Variants in TMC1 observed in about 807,000 individuals in gnomAD.
TMC1 encodes the protein transmembrane channel-like protein 1.
Under a neutral mutation model 105.8 loss-of-function variants are expected in TMC1, and 84 were observed. That is an observed-to-expected ratio of 0.79 (90% CI 0.67 to 0.95). The LOEUF (loss-of-function observed/expected upper bound fraction) is 0.95, where lower values mean the gene tolerates loss of function less well. Among genes scored for constraint, TMC1 ranks in the 40% least tolerant of loss-of-function variants. The probability of loss-of-function intolerance (pLI) is 0.00; values close to 1 mark genes in which losing one functional copy is unlikely to be tolerated. For missense variants in TMC1, 817 were observed against 914.1 expected, an observed-to-expected ratio of 0.89 and a Z score of 1.37; for synonymous variants, 315 against 311.5, an observed-to-expected ratio of 1.01 and a Z score of -0.12.
intron 1 of TMC1, among the ~76,000 whole-genome samples, chr9:72,522,358 C>T (rs980671415): frequency 3.5e-4 from 54 of 152,186 alleles, no homozygotes; most frequent in Admixed American, 6.5e-5. Flanking sequence ...GCCTCAGCCT[C>T]CCAAAGTGCT....
intron 12 of TMC1, 33 bp from the exon 13 acceptor site, chr9:72,772,380 C>T (rs769645292): frequency 1.1e-5 from 18 of 1,613,428 alleles, no homozygotes; most frequent in Non-Finnish European, 1.5e-5. Flanking sequence ...CTCTTCACGA[C>T]AACTGCTAAG....
At chr9:72,597,536 G>A (rs145466798) in intron 2 of TMC1, among the ~76,000 whole-genome samples, 184 of 152,226 alleles carry the variant, frequency 1.2e-3, no homozygotes, top group African/African-American at 4.2e-3. Flanking sequence ...CCCGGGAAAC[G>A]GCAACATTTC....
intron 2 of TMC1, among the ~76,000 whole-genome samples, chr9:72,598,452 T>TC (rs1318364062): frequency 6.6e-6 from 1 of 152,102 alleles, no homozygotes; most frequent in Non-Finnish European, 1.5e-5. Flanking sequence ...TTTTTTTTTT[T>TC]CTCCCTTAGG....
At position 72,769,613 on chromosome 9, in the gene TMC1, A is replaced by T. The variant is rs552588854; in HGVS notation, c.742-2800A>T. On this transcript the variant is annotated intron_variant, in intron 12 of 23. Transcript: ENST00000297784. ...GTTATGTTAATGGGTCTTCACTTGG[A>T]AGGGAACGTCAAGAGTTGGAGATAC... 4.9e-4 allele frequency among the ~76,000 whole-genome samples: 75 copies of T among 152,314 alleles called. 2 individuals are homozygous for T. The South Asian group carries it at 0.015, about 31-fold the overall frequency.
chr9:72,637,161 T>G (rs1343436820), intron 4 of TMC1, among the ~76,000 whole-genome samples: 1 of 152,008 alleles, frequency 6.6e-6, no homozygotes, highest in Non-Finnish European at 1.5e-5. Flanking sequence ...TTCACCAGTG[T>G]CAGCCAATGT....
At chr9:72,548,503 G>A (rs949848197) in intron 1 of TMC1, among the ~76,000 whole-genome samples, 16 of 151,754 alleles carry the variant, frequency 1.1e-4, no homozygotes, top group African/African-American at 3.1e-4. Flanking sequence ...CAATGAACCC[G>A]GGAGGTTCAT....
chr9:72,594,790 C>T lies in TMC1; in HGVS notation c.-306+16767C>T, dbSNP rs111421095. On this transcript the variant is annotated intron_variant, in intron 2 of 23. Coordinates refer to ENST00000297784, the MANE Select transcript of TMC1 (RefSeq NM_138691.3). ...ATGACTTGGGGGGCATGCTACAATT[C>T]GAAAAGGAGAGAGACATACTCTCCA... Among the ~76,000 whole-genome samples the T allele has an allele frequency of 5.2e-3, 786 of 151,948 alleles. 11 individuals are homozygous for T. The highest frequency in any genetic ancestry group is 0.031 in the Middle Eastern group (9 of 292).
At chr9:72,773,089 T>G (rs1017972850) in intron 13 of TMC1, among the ~76,000 whole-genome samples, 1 of 152,152 alleles carries the variant, frequency 6.6e-6, no homozygotes, top group Non-Finnish European at 1.5e-5. Context: ...GGGAAAAGAT[T>G]TATTGGAGTA....
chr9:72,831,414 G>C (rs894944522), intron 23 of TMC1, among the ~76,000 whole-genome samples: 1 of 151,612 alleles, frequency 6.6e-6, no homozygotes, highest in Non-Finnish European at 1.5e-5. Flanking sequence ...ATGGCTTCAG[G>C]CCACTTTCTT....
chr9:72,712,473 G>A (rs1159145229), intron 8 of TMC1, among the ~76,000 whole-genome samples: 5 of 152,034 alleles, frequency 3.3e-5, no homozygotes, highest in Non-Finnish European at 7.4e-5. Flanking sequence ...TCCTTGAAGA[G>A]GTCCTTCACA....
At chr9:72,742,368 T>A (rs1350774620) in intron 9 of TMC1, 76 bp from the exon 10 acceptor site, 10 of 1,115,228 alleles carry the variant, frequency 9.0e-6, no homozygotes, top group Non-Finnish European at 8.1e-6. Flanking sequence ...TGCATTGTAA[T>A]GTTTTGAGGT....
chr9:72,730,854 C>T (rs1330517027), intron 8 of TMC1, among the ~76,000 whole-genome samples: 1 of 152,184 alleles, frequency 6.6e-6, no homozygotes, highest in African/African-American at 2.4e-5. Flanking sequence ...AGATCTCTCG[C>T]ATGTGCAGTT....
chr9:72,644,180 C>G (rs1244654806), intron 4 of TMC1, among the ~76,000 whole-genome samples: 1 of 152,046 alleles, frequency 6.6e-6, no homozygotes, highest in Non-Finnish European at 1.5e-5. Flanking sequence ...AATCCTTTAA[C>G]AAATGTATGA....
chr9:72,754,592 G>A (rs1827642071), intron 11 of TMC1, among the ~76,000 whole-genome samples, 194 bp from the exon 12 acceptor site: 2 of 152,024 alleles, frequency 1.3e-5, no homozygotes, highest in Admixed American at 6.6e-5. Context: ...TGGAATGCAG[G>A]GTCCTTTGCA....
intron 12 of TMC1, among the ~76,000 whole-genome samples, chr9:72,768,357 A>T (rs1023011916): frequency 1.3e-5 from 2 of 152,186 alleles, no homozygotes; most frequent in Non-Finnish European, 2.9e-5. Flanking sequence ...TAGCATTAGA[A>T]GGAATACCTA....
intron 6 of TMC1, among the ~76,000 whole-genome samples, chr9:72,689,802 C>A (rs150028656): frequency 0.017 from 2,586 of 152,192 alleles, 35 homozygotes; most frequent in Middle Eastern, 0.085. Flanking sequence ...TATCATTTTC[C>A]GTTCCTTCAC....
chr9:72,551,440 C>T (rs1173232096), intron 1 of TMC1, among the ~76,000 whole-genome samples: 1 of 152,160 alleles, frequency 6.6e-6, no homozygotes, highest in Non-Finnish European at 1.5e-5. Flanking sequence ...CTGGTAAGGG[C>T]ACTATGAGCC....
chr9:72,635,248 G>A (rs369522661), intron 4 of TMC1, among the ~76,000 whole-genome samples: 5 of 148,262 alleles, frequency 3.4e-5, no homozygotes, highest in Admixed American at 6.7e-5. Context: ...GCAGGACTCC[G>A]TCTCCAAAAA....
At chr9:72,659,438 C>T (rs1320872037) in intron 5 of TMC1, among the ~76,000 whole-genome samples, 3 of 152,142 alleles carry the variant, frequency 2.0e-5, no homozygotes, top group East Asian at 1.9e-4. Flanking sequence ...ATATCAAGAC[C>T]AGCCTGGCCA....
Sources: allele counts gnomAD v4.1 joint callset (sites outside exome capture counted in the v4.1 genomes callset), GRCh38; gene constraint gnomAD v4.1.1; transcripts MANE v1.5; gene names NCBI Gene and HGNC (gene_info 2026-07-23, HGNC 2026-07-21).